Variants in GPR180 observed in about 807,000 individuals in gnomAD.
The protein encoded by GPR180 is integral membrane protein GPR180.
GPR180 carries 53 observed loss-of-function variants against 52.6 expected under a neutral mutation model. That is an observed-to-expected ratio of 1.01 (90% CI 0.81 to 1.27). GPR180 has a LOEUF of 1.27. Ranked by LOEUF, GPR180 falls within the 50% of genes most tolerant of loss-of-function variation. The pLI, the probability that GPR180 is intolerant of heterozygous loss-of-function variation, is 0.00. For synonymous variants in GPR180, 200 were observed against 193.1 expected (o/e 1.04, Z -0.30); for missense variants, 533 against 527.0 (o/e 1.01, Z -0.11).
intron 2 of GPR180, among the ~76,000 whole-genome samples, chr13:94,607,336 C>G (rs1889645878): frequency 6.6e-6 from 1 of 152,176 alleles, no homozygotes; most frequent in Non-Finnish European, 1.5e-5. Flanking sequence ...CTTTACCACA[C>G]CCTTAAAATA....
Position 94,628,588 on chromosome 13 carries a change from C to T in GPR180, c.*1417C>T, listed in dbSNP as rs1295064787. On this transcript the variant is annotated 3_prime_UTR_variant, in exon 9 of 9. Coordinates refer to ENST00000376958, the MANE Select transcript of GPR180 (RefSeq NM_180989.6). ...TTGTACCTAGTCTCATTGGAAATGACTAGTATTCTGCCTCATTTTCAGGGC... is the reference window on the plus strand; with the variant it reads ...TTGTACCTAGTCTCATTGGAAATGATTAGTATTCTGCCTCATTTTCAGGGC... The T allele has an allele frequency of 6.6e-6, 1 of 151,916 alleles. No individual in the cohort carries two copies. The highest frequency in any genetic ancestry group is 1.9e-4 in the East Asian group (1 of 5,202). The allele number at this position is 151,916 out of a possible 1,614,324, so 9.4% of individuals were successfully genotyped here. A position where few individuals can be genotyped will look rare whatever the true frequency, so the allele number is the denominator to read the frequency against.
rs544964109 is a variant in GPR180, at chr13:94,634,181, G to T, written c.*7010G>T. On this transcript the variant is annotated 3_prime_UTR_variant, in exon 9 of 9. Coordinates refer to ENST00000376958, the MANE Select transcript of GPR180 (RefSeq NM_180989.6). ...TGATTTTCAAAAGAAAAAAAATCCT[G>T]TTTAGTATTCTTAGTGGAATGAATT... 1.8e-4 allele frequency: 27 copies of T among 152,064 alleles called. No individual in the cohort carries two copies. Among genetic ancestry groups the T allele is most frequent in the African/African-American group, 6.5e-4 (27 of 41,496 alleles). 9.4% of individuals were successfully genotyped at this position (152,064 alleles called of 1,614,324 possible). A position where few individuals can be genotyped will look rare whatever the true frequency, so the allele number is the denominator to read the frequency against.
intron 3 of GPR180, among the ~76,000 whole-genome samples, chr13:94,614,620 TTTC>T (rs761854403): frequency 6.6e-6 from 1 of 152,214 alleles, no homozygotes; most frequent in South Asian, 2.1e-4. Flanking sequence ...GTGGCTAGCT[TTTC>T]TTTATGATGC....
chr13:94,627,016 A>G lies in GPR180; in HGVS notation c.1168A>G (p.Ile390Val), dbSNP rs750916626. The G allele has an allele frequency of 4.3e-5, 68 of 1,586,684 alleles. No individual in the cohort carries two copies. The highest frequency in any genetic ancestry group is 5.6e-5 in the Non-Finnish European group (65 of 1,169,624). The change falls in exon 9 of 9, where the codon ATT (isoleucine) becomes GTT (valine). Residue 390 changes from isoleucine to valine, a missense_variant. Coordinates refer to ENST00000376958, the MANE Select transcript of GPR180 (RefSeq NM_180989.6). ...ATTCCTTTCCTTTTCTTTTCAGGTT[A>G]TTACAATAGGTGTTATCCTTTGCCA... ...IFSDYQRDKV[I>V]TIGVILCQSV...
At chr13:94,602,327 T>G (rs550887128) in intron 1 of GPR180, among the ~76,000 whole-genome samples, 1 of 152,312 alleles carries the variant, frequency 6.6e-6, no homozygotes, top group African/African-American at 2.4e-5. Flanking sequence ...ACCTGAAAGC[T>G]GGTTTCCATT....
At position 94,605,388 on chromosome 13, in the gene GPR180, A is replaced by G; in HGVS notation, c.146-3A>G. The G allele has an allele frequency of 6.2e-7, 1 of 1,613,880 alleles. No individual in the cohort carries two copies. The highest frequency in any genetic ancestry group is 1.1e-5 in the South Asian group (1 of 91,036). On this transcript the variant is annotated splice_polypyrimidine_tract_variant and splice_region_variant and intron_variant, in intron 1 of 8. Coordinates refer to ENST00000376958, the MANE Select transcript of GPR180 (RefSeq NM_180989.6). The stretch of plus-strand genomic sequence containing the variant: ...AGTTGATGATTTTTGTTTTAATGTC[A>G]AGGTGACCATGCTCTTCTGTGTGTC...
rs1170488996 is a variant in GPR180 at position 94,631,151 on chromosome 13, G to C, written c.*3980G>C. On this transcript the variant is annotated 3_prime_UTR_variant, in exon 9 of 9. Coordinates refer to ENST00000376958, the MANE Select transcript of GPR180 (RefSeq NM_180989.6). The stretch of plus-strand genomic sequence containing the variant: ...CAGGTGTGCGTTTTACTCTGACAAA[G>C]GGTGCCAGCTTCTGCTGGACAACTC... 1 of 152,168 alleles carries C rather than the reference G, an allele frequency of 6.6e-6. No homozygotes were observed. Among genetic ancestry groups the C allele is most frequent in the East Asian group, 1.9e-4 (1 of 5,144 alleles). The allele number at this position is 152,168 out of a possible 1,614,324, so 9.4% of individuals were successfully genotyped here. A position where few individuals can be genotyped will look rare whatever the true frequency, so the allele number is the denominator to read the frequency against.
intron 6 of GPR180, 139 bp from the exon 7 acceptor site, chr13:94,622,969 AC>A: frequency 1.6e-6 from 1 of 619,490 alleles, no homozygotes; most frequent in Non-Finnish European, 2.8e-6. Flanking sequence ...AAAAGACTGT[AC>A]TTTATTAATT....
intron 3 of GPR180, among the ~76,000 whole-genome samples, chr13:94,616,695 T>G (rs1889783053): frequency 6.6e-6 from 1 of 152,240 alleles, no homozygotes; most frequent in Non-Finnish European, 1.5e-5. Flanking sequence ...GATTTAACAA[T>G]TAGTATCCAC....
chr13:94,601,897 CCGAGG>C lies in GPR180; in HGVS notation c.-28_-24del. On this transcript the variant is annotated 5_prime_UTR_variant, in exon 1 of 9. Coordinates refer to ENST00000376958, the MANE Select transcript of GPR180 (RefSeq NM_180989.6). ...GCGGGCAGCCGCCGGCGGCTGGGAGCCGAGGCGTCGGTGCAGACCTGGAGACGGGC... is the reference window on the plus strand; with the variant it reads ...GCGGGCAGCCGCCGGCGGCTGGGAGCCGTCGGTGCAGACCTGGAGACGGGC... 7.3e-7 allele frequency: 1 copy of C among 1,375,892 alleles called. No individual in the cohort carries two copies. The highest frequency in any genetic ancestry group is 9.4e-7 in the Non-Finnish European group (1 of 1,064,032). The allele number at this position is 1,375,892 out of a possible 1,614,324, so 85.2% of individuals were successfully genotyped here.
intron 5 of GPR180, 89 bp downstream of exon 5, chr13:94,619,606 C>A: frequency 2.7e-6 from 3 of 1,119,274 alleles, no homozygotes; most frequent in South Asian, 1.4e-5. Flanking sequence ...AATTTTCTGT[C>A]GAAAATTGTT....
chr13:94,624,762 T>A (rs146165589), intron 7 of GPR180, among the ~76,000 whole-genome samples: 1 of 152,198 alleles, frequency 6.6e-6, no homozygotes, highest in Non-Finnish European at 1.5e-5. Context: ...CAGGATGCTC[T>A]CGACCTCCTG....
chr13:94,625,563 T>A (rs1266215999), intron 7 of GPR180, among the ~76,000 whole-genome samples: 1 of 152,216 alleles, frequency 6.6e-6, no homozygotes, highest in Non-Finnish European at 1.5e-5. Flanking sequence ...AGGTAACGAC[T>A]ATTAATGTTT....
chr13:94,613,139 CAAAG>C (rs1889733211), intron 3 of GPR180, among the ~76,000 whole-genome samples: 1 of 152,108 alleles, frequency 6.6e-6, no homozygotes, highest in Non-Finnish European at 1.5e-5. Context: ...GGCCATCTGT[CAAAG>C]AAAAGCATTA....
chr13:94,623,763 G>A (rs972251421), intron 7 of GPR180, among the ~76,000 whole-genome samples: 2 of 151,360 alleles, frequency 1.3e-5, no homozygotes, highest in African/African-American at 4.9e-5. Context: ...TTTAACCTTA[G>A]CAACTTATGT....
rs554469233 is a variant in GPR180, at chr13:94,621,029, T to G, written c.737-49T>G. On this transcript the variant is annotated intron_variant, in intron 5 of 8. Coordinates refer to ENST00000376958, the MANE Select transcript of GPR180 (RefSeq NM_180989.6). ...GTTCTCAATGCAAAAAGCACTAAAT[T>G]TTTTATATTGTGAAAACTTGGTTGA... 7.8e-6 allele frequency: 12 copies of G among 1,539,468 alleles called. No homozygotes were observed. In the African/African-American group the frequency reaches 1.1e-4, roughly 15 times the overall value.
intron 2 of GPR180, among the ~76,000 whole-genome samples, chr13:94,606,121 G>A (rs1291252414): frequency 6.6e-6 from 1 of 152,074 alleles, no homozygotes; most frequent in South Asian, 2.1e-4. Flanking sequence ...GTGAAACCCC[G>A]TCTCTACTAA....
intron 3 of GPR180, among the ~76,000 whole-genome samples, chr13:94,618,210 C>G (rs572981236): frequency 1.3e-5 from 2 of 152,264 alleles, no homozygotes; most frequent in African/African-American, 4.8e-5. Context: ...TTTGATTCGT[C>G]TGGCCTGTCC....
intron 6 of GPR180, among the ~76,000 whole-genome samples, chr13:94,622,362 CAA>C (rs1216778439): frequency 1.3e-5 from 2 of 151,822 alleles, no homozygotes; most frequent in Non-Finnish European, 1.5e-5. Context: ...TTGTCATAGA[CAA>C]ATATGAATTG....
Sources: allele counts gnomAD v4.1 joint callset (sites outside exome capture counted in the v4.1 genomes callset), GRCh38; gene constraint gnomAD v4.1.1; transcripts MANE v1.5; gene names NCBI Gene and HGNC (gene_info 2026-07-23, HGNC 2026-07-21).